PSMG1: variants seen among roughly 807,000 people sequenced by gnomAD.
PSMG1 encodes Down syndrome critical region gene 2.
In PSMG1, 23 loss-of-function variants were observed where a neutral mutation model predicts 37.2. The ratio of observed to expected loss-of-function variants is 0.62; its 90% CI spans 0.44 to 0.88. The LOEUF is 0.88. Among genes scored for constraint, PSMG1 ranks in the 40% least tolerant of loss-of-function variants. The probability of loss-of-function intolerance (pLI) is 0.00; values close to 1 mark genes in which losing one functional copy is unlikely to be tolerated. For missense variants in PSMG1, 340 were observed against 344.2 expected (o/e 0.99, Z 0.10); for synonymous variants, 127 against 128.0 (o/e 0.99, Z 0.05).
At chr21:39,176,787 C>T (rs1369447247) in intron 6 of PSMG1, among the ~76,000 whole-genome samples, 2 of 152,180 alleles carry the variant, frequency 1.3e-5, no homozygotes, top group African/African-American at 2.4e-5. Context: ...AATGGCCATT[C>T]CAGAATAAAA....
chr21:39,179,918 T>A lies in PSMG1; in HGVS notation c.456+6A>T, dbSNP rs778944254. On this transcript the variant is annotated splice_donor_region_variant and intron_variant, in intron 4 of 6. Transcript: ENST00000331573. ...AACCATTCACAGGTTTTCATTTCTC[T>A]CTTACCTTTTCCAGCCACTGATACT... 5.0e-6 allele frequency: 8 copies of A among 1,612,306 alleles called. No individual in the cohort carries two copies. Among genetic ancestry groups the A allele is most frequent in the Non-Finnish European group, 6.8e-6 (8 of 1,179,756 alleles).
chr21:39,176,065 T>C lies in PSMG1; in HGVS notation c.793-401A>G, dbSNP rs190868501. 2.6e-3 allele frequency among the ~76,000 whole-genome samples: 398 copies of C among 152,236 alleles called. 6 individuals are homozygous for C. In the East Asian group the frequency reaches 0.047, roughly 18 times the overall value. On this transcript the variant is annotated intron_variant, in intron 6 of 6. Transcript: ENST00000331573. ...GATTCATCCATCTTTCAAATCCAAC[T>C]AAACTGCCACACAGGAAGAACTCAA...
intron 4 of PSMG1, 62 bp downstream of exon 4, chr21:39,179,862 A>G: frequency 7.2e-7 from 1 of 1,395,956 alleles, no homozygotes; most frequent in Non-Finnish European, 9.9e-7. Flanking sequence ...AAAGACATCG[A>G]ACCCTTAAAA....
chr21:39,175,718 G>A, intron 6 of PSMG1, 54 bp from the exon 7 acceptor site: 1 of 1,130,894 alleles, frequency 8.8e-7, no homozygotes. Context: ...TCAGGCAGAG[G>A]CAACACCCCT....
rs1331856932 is a variant in PSMG1 at position 39,180,002 on chromosome 21, C to T, written c.394-16G>A. On this transcript the variant is annotated splice_polypyrimidine_tract_variant and intron_variant, in intron 3 of 6. Transcript: ENST00000331573. ...AGAGAAAAACCTGAAAAGTCAAGTTCCACGCTTTTTGTCAAGTAAGTTTTA... is the reference window on the plus strand; with the variant it reads ...AGAGAAAAACCTGAAAAGTCAAGTTTCACGCTTTTTGTCAAGTAAGTTTTA... 5.6e-6 allele frequency: 9 copies of T among 1,600,768 alleles called. No homozygotes were observed. Among genetic ancestry groups the T allele is most frequent in the Non-Finnish European group, 7.7e-6 (9 of 1,173,768 alleles).
intron 6 of PSMG1, among the ~76,000 whole-genome samples, 188 bp from the exon 7 acceptor site, chr21:39,175,852 C>T (rs1460988267): frequency 3.3e-5 from 5 of 152,176 alleles, no homozygotes; most frequent in Non-Finnish European, 7.4e-5. Flanking sequence ...CCTTTCCCTG[C>T]CACACTCGCC....
chr21:39,179,850 T>G, intron 4 of PSMG1, 74 bp downstream of exon 4: 1 of 1,264,858 alleles, frequency 7.9e-7, no homozygotes, highest in African/African-American at 1.5e-5. Context: ...AAGTTTAAGT[T>G]AAAAGACATC....
chr21:39,177,887 T>C (rs750253195), intron 5 of PSMG1, among the ~76,000 whole-genome samples: 2 of 152,122 alleles, frequency 1.3e-5, no homozygotes, highest in Admixed American at 6.5e-5. Context: ...AAGTACAAAA[T>C]GCATAAAGTG....
chr21:39,182,698 T>C (rs1327416691), intron 1 of PSMG1, among the ~76,000 whole-genome samples: 1 of 151,500 alleles, frequency 6.6e-6, no homozygotes, highest in Non-Finnish European at 1.5e-5. Context: ...TGTGTAGGGG[T>C]CAGGGCTCAC....
chr21:39,175,979 C>T (rs893469021), intron 6 of PSMG1, among the ~76,000 whole-genome samples: 2 of 152,160 alleles, frequency 1.3e-5, no homozygotes, highest in Admixed American at 6.5e-5. Flanking sequence ...ACACTCCTCA[C>T]GGCTCTCCTC....
chr21:39,177,387 G>A (rs1372559457), intron 6 of PSMG1, 48 bp downstream of exon 6: 1 of 1,476,472 alleles, frequency 6.8e-7, no homozygotes. Flanking sequence ...TTGTTACTAA[G>A]CTGATTATAA....
At chr21:39,180,832 C>T (rs1054270752) in intron 2 of PSMG1, among the ~76,000 whole-genome samples, 6 of 152,164 alleles carry the variant, frequency 3.9e-5, no homozygotes, top group Non-Finnish European at 8.8e-5. Context: ...ACTGGGTTTC[C>T]TGAATGTTCT....
chr21:39,179,917 C>T lies in PSMG1; in HGVS notation c.456+7G>A. On this transcript the variant is annotated splice_region_variant and intron_variant, in intron 4 of 6. Transcript: ENST00000331573. Reference sequence around the variant, plus strand: ...TAACCATTCACAGGTTTTCATTTCTCTCTTACCTTTTCCAGCCACTGATAC... The same window carrying T: ...TAACCATTCACAGGTTTTCATTTCTTTCTTACCTTTTCCAGCCACTGATAC... 1 of 1,612,222 alleles carries T rather than the reference C, an allele frequency of 6.2e-7. No individual in the cohort carries two copies.
rs1441958551 is a variant in PSMG1 at position 39,175,622 on chromosome 21, T to C, written c.835A>G (p.Thr279Ala). The change falls in exon 7 of 7, where the codon ACA (threonine) becomes GCA (alanine). Residue 279 changes from threonine (T) to alanine (A), a missense_variant. Transcript: ENST00000331573. ...TAAATGTTACTCTGAATCTCATTTG[T>C]TGTCATCAATTTCTTTAGTATCTCA... ...STEILKKLMTTNEIQSNIYT is the reference protein window; with the variant it reads ...STEILKKLMTANEIQSNIYT The C allele has an allele frequency of 4.4e-6, 7 of 1,594,100 alleles. No homozygotes were observed. The highest frequency in any genetic ancestry group is 2.2e-5 in the East Asian group (1 of 44,760).
rs750808884 is a variant in PSMG1 at position 39,183,435 on chromosome 21, G to T, written c.-50C>A. 1.3e-6 allele frequency: 2 copies of T among 1,521,064 alleles called. No homozygotes were observed. Among genetic ancestry groups the T allele is most frequent in the Non-Finnish European group, 8.8e-7 (1 of 1,138,554 alleles). The allele number at this position is 1,521,064 out of a possible 1,614,324, so 94.2% of individuals were successfully genotyped here. On this transcript the variant is annotated 5_prime_UTR_variant, in exon 1 of 7. Transcript: ENST00000331573. ...CAACTGCAGCGCCGCGGGACCGCAC[G>T]CCGGCTTGCGCGAGACCACGCTCCC...
At chr21:39,182,681 AC>A (rs765238784) in intron 1 of PSMG1, among the ~76,000 whole-genome samples, 6 of 152,248 alleles carry the variant, frequency 3.9e-5, no homozygotes, top group Non-Finnish European at 7.4e-5. Context: ...TGTTGAATTT[AC>A]CCGGTTGTGT....
chr21:39,176,449 G>A, intron 6 of PSMG1, among the ~76,000 whole-genome samples: 1 of 152,222 alleles, frequency 6.6e-6, no homozygotes, highest in East Asian at 1.9e-4. Context: ...GAGGCAATTG[G>A]CTATTTAAAC....
intron 6 of PSMG1, 97 bp downstream of exon 6, chr21:39,177,338 G>C: frequency 8.4e-7 from 1 of 1,191,678 alleles, no homozygotes; most frequent in Non-Finnish European, 1.1e-6. Flanking sequence ...GGATCTCCAA[G>C]CATTGCTTAG....
chr21:39,182,011 G>A (rs768450939), intron 1 of PSMG1, 133 bp from the exon 2 acceptor site: 25 of 482,498 alleles, frequency 5.2e-5, no homozygotes, highest in Non-Finnish European at 8.7e-5. Context: ...AATATCCTCA[G>A]AAAACGATGG....
Sources: gnomAD v4.1 joint callset for allele counts (sites outside exome capture counted in the v4.1 genomes callset) on GRCh38, gnomAD v4.1.1 for gene constraint, MANE v1.5 for transcripts, NCBI Gene and HGNC (gene_info 2026-07-23, HGNC 2026-07-21) for gene names.